The following NUP214 variants were observed in gnomAD, a reference collection of about 807,000 sequenced individuals.
NUP214 encodes the protein nucleoporin 214.
Under a neutral mutation model 196.2 loss-of-function variants are expected in NUP214, and 79 were observed. That is an observed-to-expected ratio of 0.40 (90% confidence interval 0.34 to 0.49). The LOEUF is 0.49. NUP214 is among the 20% of genes least tolerant of loss of function. The probability of loss-of-function intolerance (pLI) is 0.58; values close to 1 mark genes in which losing one functional copy is unlikely to be tolerated. For missense variants in NUP214, 2,468 were observed against 2,539.0 expected (o/e 0.97, Z 0.60); for synonymous variants, 1,020 against 990.5 (o/e 1.03, Z -0.56).
intron 29 of NUP214, among the ~76,000 whole-genome samples, chr9:131,199,741 G>A (rs1362392694): frequency 6.6e-6 from 1 of 152,176 alleles, no homozygotes; most frequent in Non-Finnish European, 1.5e-5. Flanking sequence ...TAATTCTTCA[G>A]CAATAGACTC....
intron 17 of NUP214, among the ~76,000 whole-genome samples, chr9:131,156,655 T>G (rs1200694416): frequency 2.0e-5 from 3 of 151,972 alleles, no homozygotes; most frequent in African/African-American, 7.2e-5. Context: ...ATAGCAGTGC[T>G]ACTGATTTGT....
Position 131,144,220 on chromosome 9 carries a change from A to G in NUP214, c.1295-60A>G, listed in dbSNP as rs529484481. Reference sequence around the variant, plus strand: ...ACAAATTCTTTTTCACTTGCTTTCTATTATGTGAACCTCCACTGTTACAGT... The same window carrying G: ...ACAAATTCTTTTTCACTTGCTTTCTGTTATGTGAACCTCCACTGTTACAGT... On this transcript the variant is annotated intron_variant, in intron 11 of 35. Coordinates refer to ENST00000359428, the MANE Select transcript of NUP214 (RefSeq NM_005085.4). 35 of 1,304,308 alleles carry G rather than the reference A, an allele frequency of 2.7e-5. No homozygotes were observed. In the East Asian group the frequency reaches 3.5e-4, roughly 13 times the overall value. The allele number at this position is 1,304,308 out of a possible 1,614,324, so 80.8% of individuals were successfully genotyped here.
At position 131,197,700 on chromosome 9, in the gene NUP214, C is replaced by G. The variant is rs1203484231; in HGVS notation, c.4206C>G (p.Ala1402=). The part of the protein sequence containing the change: ...ATTTSVAPPA[A]TSTSSTAVFG... The stretch of plus-strand genomic sequence containing the variant: ...CCACCTCAGTAGCACCACCAGCAGC[C>G]ACCAGCACTTCCTCAACTGCCGTTT... The change falls in exon 29 of 36, where the codon GCC becomes GCG. Residue 1402 remains alanine, a synonymous_variant. Coordinates refer to ENST00000359428, the MANE Select transcript of NUP214 (RefSeq NM_005085.4). The G allele has an allele frequency of 6.2e-7, 1 of 1,614,230 alleles. No individual in the cohort carries two copies. The highest frequency in any genetic ancestry group is 2.2e-5 in the East Asian group (1 of 44,894).
chr9:131,172,495 T>G (rs1002058890), intron 21 of NUP214, among the ~76,000 whole-genome samples: 5 of 152,180 alleles, frequency 3.3e-5, no homozygotes, highest in Admixed American at 1.3e-4. Context: ...TTTCTCCCAT[T>G]TTGTAGGTTG....
rs751545782 is a variant in NUP214, at chr9:131,197,576, A to G, written c.4082A>G (p.Gln1361Arg). 1 of 1,614,076 alleles carries G rather than the reference A, an allele frequency of 6.2e-7. No homozygotes were observed. Among genetic ancestry groups the G allele is most frequent in the Non-Finnish European group, 8.5e-7 (1 of 1,180,044 alleles). The change falls in exon 29 of 36, where the codon CAG (glutamine) becomes CGG (arginine). Residue 1361 changes from glutamine (Q) to arginine (R), a missense_variant. Transcript: ENST00000359428. ...TCATCCACAAGCCTAACTAGTACCC[A>G]GCCAACCAAGACGTCAGGCGTGCCC... ...KASSTSLTST[Q>R]PTKTSGVPSG...
At chr9:131,143,645 T>G (rs1831994936) in intron 11 of NUP214, among the ~76,000 whole-genome samples, 1 of 152,164 alleles carries the variant, frequency 6.6e-6, no homozygotes, top group Admixed American at 6.5e-5. Context: ...TTTCCCTGTT[T>G]ATTAGTCCTG....
intron 5 of NUP214, 140 bp downstream of exon 5, chr9:131,130,976 G>C: frequency 1.5e-6 from 1 of 656,704 alleles, no homozygotes; most frequent in Non-Finnish European, 2.6e-6. Flanking sequence ...ATGAAGAGTG[G>C]AACTCTTCCC....
intron 30 of NUP214, among the ~76,000 whole-genome samples, chr9:131,210,999 T>C (rs1205993116): frequency 1.3e-5 from 2 of 152,198 alleles, no homozygotes; most frequent in Non-Finnish European, 2.9e-5. Context: ...TATTCATGGA[T>C]CAGAAGACTC....
intron 31 of NUP214, among the ~76,000 whole-genome samples, chr9:131,220,609 G>A (rs918157805): frequency 1.3e-5 from 2 of 152,190 alleles, no homozygotes; most frequent in African/African-American, 2.4e-5. Flanking sequence ...AGCCTTTTCC[G>A]AGAGTCTACA....
chr9:131,229,661 A>G (rs28665311), intron 33 of NUP214: 18,083 of 505,540 alleles, frequency 0.036, 549 homozygotes, highest in African/African-American at 0.11. Flanking sequence ...ACCTTCTTCC[A>G]GGTCCCTGGC....
rs1297984241 is a variant in NUP214, at chr9:131,198,431, C to T, written c.4937C>T (p.Ala1646Val). 11 of 1,614,138 alleles carry T rather than the reference C, an allele frequency of 6.8e-6. No individual in the cohort carries two copies. The highest frequency in any genetic ancestry group is 9.3e-6 in the Non-Finnish European group (11 of 1,180,052). The change falls in exon 29 of 36, where the codon GCT (alanine) becomes GTT (valine). Residue 1646 changes from alanine to valine, a missense_variant. Ala to Val is a moderately conservative substitution (Grantham distance 64). This residue lies in a region of NUP214 where 1,801 missense variants were observed against 1,779.4 expected (regional missense o/e 1.01). Transcript: ENST00000359428. The part of the protein sequence containing the change: ...GTVTSGSSVF[A>V]QPPAASSSSA... ...GTCACTTCTGGCTCATCCGTCTTTG[C>T]TCAGCCTCCTGCTGCCAGTTCTAGC...
At chr9:131,215,894 CT>C (rs1280700522) in intron 31 of NUP214, among the ~76,000 whole-genome samples, 1 of 146,912 alleles carries the variant, frequency 6.8e-6, no homozygotes, top group Admixed American at 6.8e-5. Context: ...CTTTCTTTAG[CT>C]AATTTTTTTT....
At chr9:131,136,139 C>A in intron 9 of NUP214, 133 bp downstream of exon 9, 1 of 695,654 alleles carries the variant, frequency 1.4e-6, no homozygotes, top group Non-Finnish European at 2.3e-6. Flanking sequence ...CTTCCAAGTT[C>A]AAGCAATTTT....
At chr9:131,221,980 A>G (rs1834571239) in intron 31 of NUP214, among the ~76,000 whole-genome samples, 3 of 152,216 alleles carry the variant, frequency 2.0e-5, no homozygotes, top group African/African-American at 7.2e-5. Flanking sequence ...AACAGGTGAA[A>G]AAAAATTCTC....
At chr9:131,157,045 G>A (rs950645316) in intron 17 of NUP214, among the ~76,000 whole-genome samples, 18 of 151,896 alleles carry the variant, frequency 1.2e-4, no homozygotes, top group African/African-American at 4.1e-4. Flanking sequence ...TGATTATGGT[G>A]CACAAAAGCC....
chr9:131,159,325 A>G, intron 17 of NUP214, 58 bp from the exon 18 acceptor site: 1 of 1,215,136 alleles, frequency 8.2e-7, no homozygotes, highest in South Asian at 1.3e-5. Context: ...GTTTTGATAC[A>G]TCTTCCCCCA....
intron 27 of NUP214, chr9:131,194,205 C>CT (rs1833709696): frequency 7.1e-6 from 1 of 140,516 alleles, no homozygotes; most frequent in South Asian, 2.3e-4. Context: ...GATTCTGTCT[C>CT]AAAAAAAAAA....
intron 30 of NUP214, among the ~76,000 whole-genome samples, chr9:131,206,148 C>CTTTTTTCTTTTTTTTTT (rs1301657384): frequency 1.2e-4 from 9 of 76,386 alleles, no homozygotes; most frequent in Admixed American, 6.3e-4. Context: ...TTTCTTTTTT[C>CTTTTTTCTTTTTTTTTT]TTTTTTTTTT....
chr9:131,173,287 T>A (rs7853221), intron 21 of NUP214, among the ~76,000 whole-genome samples: 150,396 of 150,982 alleles, frequency 1, 74,910 homozygotes, highest in Middle Eastern at 1. Flanking sequence ...TGAACTCCTG[T>A]CCTGGTGATC....
Sources: allele counts gnomAD v4.1 joint callset (sites outside exome capture counted in the v4.1 genomes callset), GRCh38; gene constraint gnomAD v4.1.1; regional missense constraint gnomAD v4.1.1; transcripts MANE v1.5; gene names NCBI Gene and HGNC (gene_info 2026-07-23, HGNC 2026-07-21).